DMXL2: variants seen among roughly 807,000 people sequenced by gnomAD.
DMXL2 encodes the protein Dmx like 2.
DMXL2 carries 103 observed loss-of-function variants against 331.1 expected under a neutral mutation model. The ratio of observed to expected loss-of-function variants is 0.31; its 90% CI spans 0.27 to 0.37. DMXL2 has a LOEUF of 0.37. Among genes scored for constraint, DMXL2 ranks in the 10% least tolerant of loss-of-function variants. The pLI, the probability that DMXL2 is intolerant of heterozygous loss-of-function variation, is 1.00. For synonymous variants in DMXL2, 1,281 were observed against 1,252.1 expected, an observed-to-expected ratio of 1.02 and a Z score of -0.49; for missense variants, 3,171 against 3,642.9, an observed-to-expected ratio of 0.87 and a Z score of 3.33.
chr15:51,522,415 C>T (rs1439353675), intron 13 of DMXL2, among the ~76,000 whole-genome samples: 8 of 152,158 alleles, frequency 5.3e-5, no homozygotes, highest in Non-Finnish European at 1.0e-4. Context: ...GAGGCCGAGG[C>T]GGCTGGCTCA....
intron 6 of DMXL2, among the ~76,000 whole-genome samples, chr15:51,551,426 G>A (rs986592272): frequency 5.3e-5 from 8 of 152,106 alleles, no homozygotes; most frequent in Non-Finnish European, 1.2e-4. Flanking sequence ...CTCTTTCAGG[G>A]AAGGGTAGGC....
chr15:51,564,597 G>A (rs954370511), intron 4 of DMXL2, among the ~76,000 whole-genome samples: 1 of 151,950 alleles, frequency 6.6e-6, no homozygotes, highest in Non-Finnish European at 1.5e-5. Context: ...AAATGTCCTC[G>A]AGATATAAGG....
chr15:51,490,916 T>C (rs989595759), intron 20 of DMXL2, among the ~76,000 whole-genome samples: 3 of 152,158 alleles, frequency 2.0e-5, no homozygotes, highest in Non-Finnish European at 2.9e-5. Context: ...AGAGAGTCCT[T>C]TGTATAAAAA....
intron 1 of DMXL2, among the ~76,000 whole-genome samples, chr15:51,617,716 G>T (rs1170995168): frequency 6.6e-6 from 1 of 152,132 alleles, no homozygotes; most frequent in Non-Finnish European, 1.5e-5. Context: ...ATATCTTTAA[G>T]AACTTCTTTT....
chr15:51,535,704 C>A lies in DMXL2; in HGVS notation c.2395G>T (p.Ala799Ser). 2 of 1,607,100 alleles carry A rather than the reference C, an allele frequency of 1.2e-6. No homozygotes were observed. Among genetic ancestry groups the A allele is most frequent in the Non-Finnish European group, 1.7e-6 (2 of 1,176,780 alleles). ...NLRLYQAVVD[A>S]RKLLDELSDP... ...GACAATTCATCTAATAATTTCCTTGCATCCACTACAGCTTGATAGAGTCTC... is the reference window on the plus strand; with the variant it reads ...GACAATTCATCTAATAATTTCCTTGAATCCACTACAGCTTGATAGAGTCTC... The change falls in exon 13 of 44, where the codon GCA becomes TCA. Residue 799 changes from alanine (A) to serine (S), a missense_variant. By Grantham distance (99) the Ala-to-Ser change is moderately conservative (BLOSUM62 1). Around this residue, in one of 7 missense-constraint regions of DMXL2, gnomAD observed 1,674 missense variants for 1,780.2 expected, o/e 0.94. Transcript: ENST00000560891.
intron 20 of DMXL2, among the ~76,000 whole-genome samples, chr15:51,489,379 G>A (rs554335860): frequency 2.0e-5 from 3 of 152,164 alleles, no homozygotes; most frequent in African/African-American, 4.8e-5. Flanking sequence ...CTCTCGGGCC[G>A]GACGCAGTGG....
intron 1 of DMXL2, among the ~76,000 whole-genome samples, chr15:51,591,558 G>A (rs915901163): frequency 1.8e-4 from 28 of 152,176 alleles, no homozygotes; most frequent in Admixed American, 9.2e-4. Flanking sequence ...TTAAATGTCC[G>A]TCTGACAGCC....
Position 51,456,376 on chromosome 15 carries a change from A to C in DMXL2, c.8338-7T>G. On this transcript the variant is annotated splice_polypyrimidine_tract_variant and splice_region_variant and intron_variant, in intron 37 of 43. Transcript: ENST00000560891. ...GTAGATTCCTTTTCATAAGCTTTAA[A>C]AGAAAATTTTAAAAATTTTATTTTG... 6.4e-7 allele frequency: 1 copy of C among 1,557,518 alleles called. No homozygotes were observed. Among genetic ancestry groups the C allele is most frequent in the Non-Finnish European group, 8.7e-7 (1 of 1,150,424 alleles).
intron 33 of DMXL2, chr15:51,460,184 C>T: frequency 7.1e-6 from 7 of 986,720 alleles, no homozygotes; most frequent in Non-Finnish European, 8.4e-6. Flanking sequence ...TAATTTGCTC[C>T]CGGGTTGATG....
rs752872256 is a variant in DMXL2 at position 51,498,589 on chromosome 15, A to G, written c.4635T>C (p.Ser1545=). ...TATCTCTGCTTTCATCAAGCTCAGT[A>G]CTAGTAGTAGCCACTGTATCAGCCA... ...VALADTVATT[S]TELDESRDKS... is the part of the protein sequence containing the mutation. Residue 1545 remains serine (S), a synonymous_variant, in exon 18 of 44, where the codon AGT becomes AGC. Coordinates refer to ENST00000560891, the MANE Select transcript of DMXL2 (RefSeq NM_001378457.1). 1 of 1,614,102 alleles carries G rather than the reference A, an allele frequency of 6.2e-7. No individual in the cohort carries two copies. The highest frequency in any genetic ancestry group is 1.1e-5 in the South Asian group (1 of 91,080).
chr15:51,614,531 T>C (rs575194288), intron 1 of DMXL2, among the ~76,000 whole-genome samples: 64 of 152,336 alleles, frequency 4.2e-4, no homozygotes, highest in African/African-American at 1.5e-3. Context: ...TTTACACCTA[T>C]ATTATATCAA....
Position 51,558,177 on chromosome 15 carries a change from G to A in DMXL2, c.567+5204C>T, listed in dbSNP as rs74892716. Among the ~76,000 whole-genome samples the A allele has an allele frequency of 9.9e-3, 1,504 of 152,248 alleles. 19 individuals are homozygous for A. The highest frequency in any genetic ancestry group is 0.035 in the African/African-American group (1,447 of 41,536). On this transcript the variant is annotated intron_variant, in intron 6 of 43. Coordinates refer to ENST00000560891, the MANE Select transcript of DMXL2 (RefSeq NM_001378457.1). ...TGTAAAGAACATGTGTAAGGAACAC[G>A]ATGCAAGTGAGGAACACGGGTTCCC... is the stretch of plus-strand genomic sequence containing the variant.
intron 13 of DMXL2, among the ~76,000 whole-genome samples, chr15:51,530,886 G>A (rs1288222306): frequency 3.3e-5 from 5 of 151,956 alleles, no homozygotes; most frequent in South Asian, 2.1e-4. Flanking sequence ...AATTGAAGAG[G>A]ACAAAAAAAA....
intron 13 of DMXL2, among the ~76,000 whole-genome samples, chr15:51,526,114 G>A (rs1001881157): frequency 4.1e-5 from 6 of 144,788 alleles, no homozygotes; most frequent in Non-Finnish European, 7.5e-5. Context: ...GAGAGAAAGA[G>A]AGAGGGAGGG....
At chr15:51,580,860 C>G (rs1371869949) in intron 1 of DMXL2, among the ~76,000 whole-genome samples, 1 of 151,182 alleles carries the variant, frequency 6.6e-6, no homozygotes, top group Non-Finnish European at 1.5e-5. Flanking sequence ...TAGACCAAAT[C>G]CATCCTATTA....
Position 51,500,021 on chromosome 15 carries a change from A to G in DMXL2, c.3203T>C (p.Val1068Ala). ...GEDNSSTVSI[V>A]GRPVAVSCSY... ...ACAGCTAACAGCAACTGGTCTTCCCACAATGCTCACTGTACTGCTATTATC... is the reference window on the plus strand; with the variant it reads ...ACAGCTAACAGCAACTGGTCTTCCCGCAATGCTCACTGTACTGCTATTATC... Residue 1068 changes from valine to alanine, a missense_variant, in exon 18 of 44, where the codon GTG (valine) becomes GCG (alanine). Coordinates refer to ENST00000560891, the MANE Select transcript of DMXL2 (RefSeq NM_001378457.1). The G allele has an allele frequency of 6.2e-7, 1 of 1,614,148 alleles. No individual in the cohort carries two copies. Among genetic ancestry groups the G allele is most frequent in the Non-Finnish European group, 8.5e-7 (1 of 1,180,000 alleles).
chr15:51,455,699 ACTT>A (rs755749636), intron 39 of DMXL2, among the ~76,000 whole-genome samples: 1 of 152,090 alleles, frequency 6.6e-6, no homozygotes, highest in African/African-American at 2.4e-5. Flanking sequence ...CCCTTCCATT[ACTT>A]CTTAACTGCT....
chr15:51,491,524 T>TC (rs1302293920), intron 20 of DMXL2, 54 bp downstream of exon 20: 85 of 1,518,584 alleles, frequency 5.6e-5, no homozygotes, highest in Non-Finnish European at 7.6e-5. Flanking sequence ...TATCTTTTTT[T>TC]CGTTAGGAAA....
At chr15:51,560,429 T>A (rs1465390597) in intron 6 of DMXL2, among the ~76,000 whole-genome samples, 2 of 145,490 alleles carry the variant, frequency 1.4e-5, no homozygotes, top group South Asian at 2.1e-4. Flanking sequence ...TGAAGAAAAA[T>A]TTTTTTAATT....
Sources: gnomAD v4.1 joint callset for allele counts (sites outside exome capture counted in the v4.1 genomes callset) on GRCh38, gnomAD v4.1.1 for gene constraint, gnomAD v4.1.1 regional missense constraint, MANE v1.5 for transcripts, NCBI Gene and HGNC (gene_info 2026-07-23, HGNC 2026-07-21) for gene names.